The following MORC1 variants were observed in gnomAD, a reference collection of about 807,000 sequenced individuals.
MORC1 encodes the protein MORC family CW-type zinc finger 1, also known as MORC family CW-type zinc finger protein 1.
In MORC1, 59 loss-of-function variants were observed where a neutral mutation model predicts 134.9. That is an observed-to-expected ratio of 0.44 (90% CI 0.35 to 0.54). The LOEUF is 0.54. MORC1 is among the 20% of genes least tolerant of loss of function. MORC1 has a pLI of 0.00. For missense variants in MORC1, 947 were observed against 1,134.5 expected, an observed-to-expected ratio of 0.83 and a Z score of 2.37; for synonymous variants, 395 against 391.7, an observed-to-expected ratio of 1.01 and a Z score of -0.10.
intron 8 of MORC1, among the ~76,000 whole-genome samples, chr3:109,087,208 T>C (rs1352876482): frequency 6.6e-6 from 1 of 151,354 alleles, no homozygotes; most frequent in African/African-American, 2.4e-5. Context: ...ATATGAGAAG[T>C]AAAGAAAACT....
chr3:109,099,212 C>T (rs543995168), intron 6 of MORC1, 146 bp downstream of exon 6: 160 of 586,702 alleles, frequency 2.7e-4, no homozygotes, highest in Non-Finnish European at 3.7e-4. Context: ...CCCAGAATGT[C>T]TTGATACCTT....
intron 27 of MORC1, 82 bp from the exon 28 acceptor site, chr3:108,959,202 T>C (rs1306279321): frequency 4.0e-6 from 5 of 1,248,218 alleles, no homozygotes; most frequent in Non-Finnish European, 4.4e-6. Flanking sequence ...CCTAACAGTC[T>C]TCCCTATGAC....
In MORC1 at chr3:109,116,614, T is replaced by A. The variant is rs182103103; in HGVS notation, c.65+1381A>T. 4.6e-5 allele frequency among the ~76,000 whole-genome samples: 7 copies of A among 152,148 alleles called. No homozygotes were observed. The East Asian group carries it at 5.8e-4, about 13-fold the overall frequency. On this transcript the variant is annotated intron_variant, in intron 1 of 27. Transcript: ENST00000232603. ...AGCCAGACCCCATCTCTACTAAAAA[T>A]TTTTTTAAAAAAAGAATTAGCCGGG...
chr3:109,022,806 T>G (rs1576643111), intron 17 of MORC1, among the ~76,000 whole-genome samples: 1 of 152,194 alleles, frequency 6.6e-6, no homozygotes, highest in East Asian at 1.9e-4. Context: ...ACCTATTACA[T>G]GAAAGCTGCA....
chr3:108,970,909 C>A (rs1369993705), intron 25 of MORC1, among the ~76,000 whole-genome samples: 1 of 152,158 alleles, frequency 6.6e-6, no homozygotes, highest in Non-Finnish European at 1.5e-5. Flanking sequence ...TTGGTAAACA[C>A]AATTTTCTTC....
intron 11 of MORC1, among the ~76,000 whole-genome samples, chr3:109,060,387 T>A (rs1950054028): frequency 6.6e-6 from 1 of 151,894 alleles, no homozygotes; most frequent in South Asian, 2.1e-4. Flanking sequence ...CATGCCCAGT[T>A]ACCTTTCTTA....
At chr3:108,993,934 G>A (rs918803337) in intron 21 of MORC1, among the ~76,000 whole-genome samples, 2 of 151,980 alleles carry the variant, frequency 1.3e-5, no homozygotes, top group African/African-American at 2.4e-5. Context: ...ACCTAGACAC[G>A]GTAGCAACTC....
At chr3:108,987,356 A>C (rs999662066) in intron 21 of MORC1, among the ~76,000 whole-genome samples, 1 of 152,202 alleles carries the variant, frequency 6.6e-6, no homozygotes. Context: ...TGCAAAGCAG[A>C]CAGAGTAGGA....
Position 109,057,851 on chromosome 3 carries a change from G to A in MORC1, c.1032-365C>T, listed in dbSNP as rs187699393. Among the ~76,000 whole-genome samples, 93 of 152,298 alleles carry A rather than the reference G, an allele frequency of 6.1e-4. 1 individual carries two copies. The highest frequency in any genetic ancestry group is 8.8e-5 in the Non-Finnish European group (6 of 68,022). On this transcript the variant is annotated intron_variant, in intron 12 of 27. Transcript: ENST00000232603. ...TAAATTTTAGGTATTTCTAACAGTA[G>A]ATGTGATTTCTAAATTTCAGCATGT...
chr3:108,963,440 C>A lies in MORC1; in HGVS notation c.2773G>T (p.Ala925Ser), dbSNP rs1490759537. The change falls in exon 27 of 28, where the codon GCA becomes TCA. Residue 925 changes from alanine to serine, a missense_variant. Physicochemically the swap from Ala to Ser is moderately conservative, Grantham distance 99. Coordinates refer to ENST00000232603, the MANE Select transcript of MORC1 (RefSeq NM_014429.4). ...AGTTGGAGTTTCTGCAACAATAGTG[C>A]CAGTTTTATACGAAGATTCTTCAGC... ...DKLKNLRIKLALLLQKLQLGG... is the reference protein window; with the variant it reads ...DKLKNLRIKLSLLLQKLQLGG... The A allele has an allele frequency of 1.2e-6, 2 of 1,611,324 alleles. No homozygotes were observed. The highest frequency in any genetic ancestry group is 1.7e-6 in the Non-Finnish European group (2 of 1,179,470).
At chr3:109,017,909 C>T (rs6780298) in intron 17 of MORC1, among the ~76,000 whole-genome samples, 1 of 151,996 alleles carries the variant, frequency 6.6e-6, no homozygotes, top group African/African-American at 2.4e-5. Context: ...GCAAATCACA[C>T]ACTGAATCAG....
chr3:109,081,790 C>T (rs1334467152), intron 8 of MORC1, among the ~76,000 whole-genome samples: 1 of 152,150 alleles, frequency 6.6e-6, no homozygotes, highest in African/African-American at 2.4e-5. Flanking sequence ...ATCTTTCCCC[C>T]AATCTGCCCA....
chr3:109,116,785 C>T (rs1185462512), intron 1 of MORC1, among the ~76,000 whole-genome samples: 1 of 152,140 alleles, frequency 6.6e-6, no homozygotes, highest in African/African-American at 2.4e-5. Flanking sequence ...GTCTCCAAAT[C>T]CAACCAACCA....
chr3:109,114,588 G>A (rs1449301631), intron 1 of MORC1, 151 bp from the exon 2 acceptor site: 3 of 647,268 alleles, frequency 4.6e-6, no homozygotes, highest in African/African-American at 3.8e-5. Flanking sequence ...GCACGGTCAA[G>A]ATTCGGAACT....
chr3:108,963,344 A>C (rs1392727435), intron 27 of MORC1, 70 bp downstream of exon 27: 4 of 1,274,550 alleles, frequency 3.1e-6, no homozygotes, highest in Non-Finnish European at 4.5e-6. Context: ...TGACAATGTT[A>C]GGAGAAGTTA....
chr3:108,961,801 G>A (rs1947087517), intron 27 of MORC1, among the ~76,000 whole-genome samples: 1 of 152,236 alleles, frequency 6.6e-6, no homozygotes. Context: ...AGGTTTGGCA[G>A]AGAAGGAGTA....
At chr3:109,071,248 G>A (rs1003399162) in intron 8 of MORC1, among the ~76,000 whole-genome samples, 1 of 152,096 alleles carries the variant, frequency 6.6e-6, no homozygotes, top group African/African-American at 2.4e-5. Context: ...AGGTAAAAAA[G>A]TCAAAAGTAA....
rs532284683 is a variant in MORC1 at position 108,987,072 on chromosome 3, G to A, written c.2188-123C>T. The stretch of plus-strand genomic sequence containing the variant: ...AAATCATAATGTTAGCAGCAGTAAA[G>A]CTATGCACTTTTTATAAAGGGAACA... On this transcript the variant is annotated intron_variant, in intron 21 of 27. Coordinates refer to ENST00000232603, the MANE Select transcript of MORC1 (RefSeq NM_014429.4). 3 of 599,900 alleles carry A rather than the reference G, an allele frequency of 5.0e-6. No individual in the cohort carries two copies. In the East Asian group the frequency reaches 9.2e-5, roughly 18 times the overall value. The allele number at this position is 599,900 out of a possible 1,614,324, so 37.2% of individuals were successfully genotyped here.
At chr3:109,015,854 G>T (rs1226338356) in intron 17 of MORC1, among the ~76,000 whole-genome samples, 1 of 152,044 alleles carries the variant, frequency 6.6e-6, no homozygotes, top group African/African-American at 2.4e-5. Context: ...TAAAATTTGT[G>T]CAAGTTGAGT....
Sources: gnomAD v4.1 joint callset for allele counts (sites outside exome capture counted in the v4.1 genomes callset) on GRCh38, gnomAD v4.1.1 for gene constraint, MANE v1.5 for transcripts, NCBI Gene and HGNC (gene_info 2026-07-23, HGNC 2026-07-21) for gene names.